Variants in CREBRF observed in about 807,000 individuals in gnomAD.
The protein encoded by CREBRF is UPF0474 protein C5orf41.
A neutral mutation model predicts 66.1 loss-of-function variants in CREBRF; 5 were observed. That is an observed-to-expected ratio of 0.08 (90% CI 0.04 to 0.16). The LOEUF is 0.16. Ranked by LOEUF, CREBRF falls within the 10% of genes least tolerant of loss-of-function variation. The pLI, the probability that CREBRF is intolerant of heterozygous loss-of-function variation, is 1.00. For synonymous variants in CREBRF, 229 were observed against 264.4 expected, an observed-to-expected ratio of 0.87 and a Z score of 1.30; for missense variants, 531 against 744.9, an observed-to-expected ratio of 0.71 and a Z score of 3.34.
intron 4 of CREBRF, among the ~76,000 whole-genome samples, chr5:173,101,098 C>CT (rs1758618363): frequency 6.6e-6 from 1 of 152,096 alleles, no homozygotes; most frequent in Admixed American, 6.6e-5. Context: ...GGTCTTAACT[C>CT]TTGCTCAGGC....
chr5:173,062,543 T>G (rs1369488768), intron 1 of CREBRF, among the ~76,000 whole-genome samples: 1 of 152,144 alleles, frequency 6.6e-6, no homozygotes, highest in Non-Finnish European at 1.5e-5. Flanking sequence ...TTTAGTTCCT[T>G]TGTTAATTTG....
intron 1 of CREBRF, among the ~76,000 whole-genome samples, chr5:173,057,178 T>C (rs1240537547): frequency 2.0e-5 from 3 of 150,608 alleles, no homozygotes; most frequent in Admixed American, 6.6e-5. Context: ...TGGCAGGCTC[T>C]GGCGTCCAAT....
At chr5:173,065,479 T>C (rs1426010776) in intron 1 of CREBRF, among the ~76,000 whole-genome samples, 1 of 152,182 alleles carries the variant, frequency 6.6e-6, no homozygotes. Context: ...CTTTGGTTGA[T>C]TGGTTTTTTC....
rs1759590515 is a variant in CREBRF, at chr5:173,136,532, T to A, written c.*2787T>A. The A allele has an allele frequency of 6.6e-6, 1 of 152,536 alleles. No homozygotes were observed. Among genetic ancestry groups the A allele is most frequent in the African/African-American group, 2.4e-5 (1 of 41,456 alleles). The allele number at this position is 152,536 out of a possible 1,614,324, so 9.4% of individuals were successfully genotyped here. On this transcript the variant is annotated 3_prime_UTR_variant, in exon 9 of 9. Transcript: ENST00000296953. Reference sequence around the variant, plus strand: ...AATGTAGAGTGAAAGTTAAATCCTCTTGCTGTTTTAACTTTATCATAAAGA... The same window carrying A: ...AATGTAGAGTGAAAGTTAAATCCTCATGCTGTTTTAACTTTATCATAAAGA...
intron 2 of CREBRF, among the ~76,000 whole-genome samples, chr5:173,082,014 T>TTTTTTTTTGTTTTTTTG (rs1757965991): frequency 1.8e-5 from 2 of 113,784 alleles, no homozygotes; most frequent in Non-Finnish European, 3.9e-5. Flanking sequence ...TTTTTTTTTT[T>TTTTTTTTTGTTTTTTTG]TTTTTTTTTT....
chr5:173,107,089 A>G (rs1157009278), intron 4 of CREBRF, among the ~76,000 whole-genome samples: 1 of 152,128 alleles, frequency 6.6e-6, no homozygotes, highest in African/African-American at 2.4e-5. Flanking sequence ...CTCCACTGCC[A>G]ATCCCTGGCA....
chr5:173,091,611 T>C, intron 4 of CREBRF: 1 of 1,285,634 alleles, frequency 7.8e-7, no homozygotes, highest in Non-Finnish European at 9.8e-7. Flanking sequence ...ATAAGCTGAT[T>C]CCTTGAGGGC....
chr5:173,112,663 G>A (rs1044631751), intron 7 of CREBRF, among the ~76,000 whole-genome samples: 1 of 152,100 alleles, frequency 6.6e-6, no homozygotes, highest in Non-Finnish European at 1.5e-5. Context: ...TTCTATAAAA[G>A]ATGTGAAAAG....
intron 8 of CREBRF, 102 bp downstream of exon 8, chr5:173,123,304 G>A (rs545027712): frequency 4.7e-5 from 53 of 1,124,622 alleles, no homozygotes; most frequent in East Asian, 2.8e-5. Flanking sequence ...AAAAACTCAA[G>A]TGCTCTCATT....
At chr5:173,061,170 G>A (rs1683526397) in intron 1 of CREBRF, among the ~76,000 whole-genome samples, 1 of 152,166 alleles carries the variant, frequency 6.6e-6, no homozygotes, top group South Asian at 2.1e-4. Context: ...GTTTCACTGT[G>A]TTGGCCAGGC....
chr5:173,073,706 G>A (rs553165074), intron 1 of CREBRF, among the ~76,000 whole-genome samples: 1 of 152,242 alleles, frequency 6.6e-6, no homozygotes, highest in African/African-American at 2.4e-5. Context: ...AGTGGCTTAC[G>A]CCTGTAATCC....
Position 173,108,645 on chromosome 5 carries a change from A to G in CREBRF, c.1244A>G (p.Glu415Gly). ...TAAGGCTATGAAAATGATTCTGTAG[A>G]AGACCTGAAGGAGGTGACTTCAATA... is the stretch of plus-strand genomic sequence containing the variant. ...SEPGYENDSV[E>G]DLKEVTSISS... Residue 415 changes from glutamate (E) to glycine (G), a missense_variant, in exon 5 of 9, where the codon GAA becomes GGA. Physicochemically the swap from Glu to Gly is moderately conservative, Grantham distance 98 (BLOSUM62 -2). Transcript: ENST00000296953. 1 of 1,610,566 alleles carries G rather than the reference A, an allele frequency of 6.2e-7. No individual in the cohort carries two copies. Among genetic ancestry groups the G allele is most frequent in the South Asian group, 1.1e-5 (1 of 89,726 alleles).
At chr5:173,078,230 T>A (rs886642961) in intron 1 of CREBRF, among the ~76,000 whole-genome samples, 5 of 152,206 alleles carry the variant, frequency 3.3e-5, no homozygotes, top group Non-Finnish European at 7.3e-5. Flanking sequence ...ATTTTCCACT[T>A]TTTGGATAAT....
chr5:173,131,092 T>C (rs1759413572), intron 8 of CREBRF, among the ~76,000 whole-genome samples: 1 of 152,170 alleles, frequency 6.6e-6, no homozygotes, highest in African/African-American at 2.4e-5. Flanking sequence ...CGCCTCAGCT[T>C]CCCAAAGCAC....
chr5:173,077,050 TCTC>T (rs1159510851), intron 1 of CREBRF, among the ~76,000 whole-genome samples: 4 of 151,808 alleles, frequency 2.6e-5, no homozygotes, highest in African/African-American at 9.7e-5. Context: ...TTCAAGCGAT[TCTC>T]CTGCCTCAGC....
chr5:173,112,428 AC>A, intron 7 of CREBRF, 49 bp downstream of exon 7: 1 of 1,247,112 alleles, frequency 8.0e-7, no homozygotes, highest in Non-Finnish European at 1.1e-6. Flanking sequence ...TGATTTGCTG[AC>A]CACTCTCTCT....
At chr5:173,064,559 A>G (rs1340842493) in intron 1 of CREBRF, among the ~76,000 whole-genome samples, 2 of 107,646 alleles carry the variant, frequency 1.9e-5, no homozygotes, top group Non-Finnish European at 3.7e-5. Context: ...CACCTGGTTA[A>G]TTTTTTTTTT....
intron 5 of CREBRF, chr5:173,109,565 C>T (rs1276376711): frequency 1.3e-5 from 2 of 152,038 alleles, no homozygotes; most frequent in African/African-American, 4.8e-5. Flanking sequence ...TTATTCTGCA[C>T]AAATGTTATT....
intron 1 of CREBRF, among the ~76,000 whole-genome samples, chr5:173,075,375 A>T (rs1051822386): frequency 2.0e-5 from 3 of 152,192 alleles, no homozygotes; most frequent in Non-Finnish European, 4.4e-5. Flanking sequence ...TATTCCTTGC[A>T]TAGGCAACCT....
Sources: allele counts gnomAD v4.1 joint callset (sites outside exome capture counted in the v4.1 genomes callset), GRCh38; gene constraint gnomAD v4.1.1; transcripts MANE v1.5; gene names NCBI Gene and HGNC (gene_info 2026-07-23, HGNC 2026-07-21).